PSMA5: variants seen among roughly 807,000 people sequenced by gnomAD.
The protein encoded by PSMA5 is proteasome 20S subunit alpha 5.
Under a neutral mutation model 34.5 loss-of-function variants are expected in PSMA5, and 3 were observed. That is an observed-to-expected ratio of 0.09 (90% confidence interval 0.04 to 0.22). The LOEUF (loss-of-function observed/expected upper bound fraction) is 0.22, where lower values mean the gene tolerates loss of function less well. PSMA5 is among the 10% of genes least tolerant of loss of function. PSMA5 has a pLI of 1.00. For missense variants in PSMA5, 120 were observed against 286.1 expected (o/e 0.42, Z 4.19); for synonymous variants, 88 against 95.8 (o/e 0.92, Z 0.47).
intron 8 of PSMA5, among the ~76,000 whole-genome samples, chr1:109,404,320 A>C (rs1157869905): frequency 6.6e-6 from 1 of 152,168 alleles, no homozygotes; most frequent in African/African-American, 2.4e-5. Context: ...CAAATAAATA[A>C]ATAAATAAAT....
intron 3 of PSMA5, 30 bp downstream of exon 3, chr1:109,415,207 C>A (rs376426672): frequency 2.9e-5 from 47 of 1,601,754 alleles, no homozygotes; most frequent in Non-Finnish European, 3.4e-6. Flanking sequence ...CAGACCAGAT[C>A]CTACAGAACA....
At chr1:109,404,916 G>A (rs1316267131) in intron 8 of PSMA5, among the ~76,000 whole-genome samples, 1 of 152,206 alleles carries the variant, frequency 6.6e-6, no homozygotes, top group Non-Finnish European at 1.5e-5. Context: ...GTGATCTGGA[G>A]GAGCCCAGGA....
chr1:109,421,684 A>T (rs1208558180), intron 2 of PSMA5, among the ~76,000 whole-genome samples, 176 bp downstream of exon 2: 1 of 152,176 alleles, frequency 6.6e-6, no homozygotes, highest in African/African-American at 2.4e-5. Flanking sequence ...AAAAGTTTTA[A>T]AATAGATATT....
chr1:109,412,268 C>T lies in PSMA5; in HGVS notation c.292-84G>A. ...ATCTCACTACGCACATCCCTTTAAA[C>T]TGGGATTGAAAACTGAAGGCTCAAA... is the stretch of plus-strand genomic sequence containing the variant. On this transcript the variant is annotated intron_variant, in intron 4 of 8. Transcript: ENST00000271308. The T allele has an allele frequency of 5.2e-6, 6 of 1,160,918 alleles. No individual in the cohort carries two copies. In the South Asian group the frequency reaches 7.6e-5, roughly 15 times the overall value. The allele number at this position is 1,160,918 out of a possible 1,614,324, so 71.9% of individuals were successfully genotyped here. A position where few individuals can be genotyped will look rare whatever the true frequency, so the allele number is the denominator to read the frequency against.
At chr1:109,419,752 T>C (rs1654360026) in intron 2 of PSMA5, among the ~76,000 whole-genome samples, 1 of 143,490 alleles carries the variant, frequency 7.0e-6, no homozygotes, top group South Asian at 2.2e-4. Flanking sequence ...TGGGCTGAGA[T>C]AGCGCCACTG....
At chr1:109,425,816 C>A in intron 1 of PSMA5, 1 of 156,648 alleles carries the variant, frequency 6.4e-6, no homozygotes, top group Non-Finnish European at 1.4e-5. Context: ...AATCAGACTC[C>A]AGACAATATA....
At chr1:109,423,875 C>G (rs1453939464) in intron 1 of PSMA5, among the ~76,000 whole-genome samples, 1 of 152,220 alleles carries the variant, frequency 6.6e-6, no homozygotes, top group Non-Finnish European at 1.5e-5. Flanking sequence ...CTCTGTAAAA[C>G]ACAATTATTA....
chr1:109,425,501 A>C (rs1178618646), intron 1 of PSMA5: 2 of 152,228 alleles, frequency 1.3e-5, no homozygotes, highest in Non-Finnish European at 2.9e-5. Context: ...TAAAACTTCG[A>C]CAGGATCAGC....
intron 2 of PSMA5, among the ~76,000 whole-genome samples, chr1:109,418,145 T>G (rs1388645555): frequency 6.7e-6 from 1 of 150,186 alleles, no homozygotes; most frequent in African/African-American, 2.5e-5. Context: ...GCCTGGGAGG[T>G]TGAGGCTGCA....
At position 109,412,386 on chromosome 1, in the gene PSMA5, T is replaced by C. The variant is rs958252952; in HGVS notation, c.292-202A>G. 11 of 528,912 alleles carry C rather than the reference T, an allele frequency of 2.1e-5. No individual in the cohort carries two copies. In the African/African-American group the frequency reaches 2.1e-4, roughly 10 times the overall value. The allele number at this position is 528,912 out of a possible 1,614,324, so 32.8% of individuals were successfully genotyped here. Reference sequence around the variant, plus strand: ...GGAAATAAACATATCACAAGGACTCTACGCAACGACGGACAAGAGAATTAC... The same window carrying C: ...GGAAATAAACATATCACAAGGACTCCACGCAACGACGGACAAGAGAATTAC... On this transcript the variant is annotated intron_variant, in intron 4 of 8. Coordinates refer to ENST00000271308, the MANE Select transcript of PSMA5 (RefSeq NM_002790.4).
At chr1:109,421,528 A>C (rs949648371) in intron 2 of PSMA5, among the ~76,000 whole-genome samples, 3 of 152,272 alleles carry the variant, frequency 2.0e-5, no homozygotes, top group Admixed American at 1.3e-4. Flanking sequence ...TTTGCTAAAG[A>C]AAACAAAACA....
rs915405213 is a variant in PSMA5, at chr1:109,426,054, A to C, written c.29+248T>G. 8 of 580,462 alleles carry C rather than the reference A, an allele frequency of 1.4e-5. No individual in the cohort carries two copies. In the Admixed American group the frequency reaches 2.1e-4, roughly 15 times the overall value. The allele number at this position is 580,462 out of a possible 1,614,324, so 36.0% of individuals were successfully genotyped here. Reference sequence around the variant, plus strand: ...GCTCCTCACGCCTTCTTTACCAAGCACCAGCCGGAGCTTCTCGCTTCCGCA... The same window carrying C: ...GCTCCTCACGCCTTCTTTACCAAGCCCCAGCCGGAGCTTCTCGCTTCCGCA... On this transcript the variant is annotated intron_variant, in intron 1 of 8. Coordinates refer to ENST00000271308, the MANE Select transcript of PSMA5 (RefSeq NM_002790.4).
chr1:109,409,667 T>G (rs1458810702), intron 8 of PSMA5, among the ~76,000 whole-genome samples: 7 of 152,186 alleles, frequency 4.6e-5, no homozygotes, highest in Non-Finnish European at 8.8e-5. Flanking sequence ...TAGTCCCAGG[T>G]ACTCAGTAGG....
At chr1:109,421,107 A>G (rs1464283089) in intron 2 of PSMA5, among the ~76,000 whole-genome samples, 1 of 151,912 alleles carries the variant, frequency 6.6e-6, no homozygotes, top group Non-Finnish European at 1.5e-5. Flanking sequence ...GGAAAGCTTG[A>G]GCCCAGGAGT....
chr1:109,422,374 A>T (rs1036485569), intron 1 of PSMA5, among the ~76,000 whole-genome samples: 2 of 152,078 alleles, frequency 1.3e-5, no homozygotes, highest in African/African-American at 4.8e-5. Flanking sequence ...TGCCCTCATT[A>T]CCTTTCACCT....
intron 1 of PSMA5, among the ~76,000 whole-genome samples, 194 bp from the exon 2 acceptor site, chr1:109,422,120 G>C (rs1197408170): frequency 6.6e-6 from 1 of 152,056 alleles, no homozygotes; most frequent in Non-Finnish European, 1.5e-5. Context: ...CCTATATATA[G>C]AACACTTCTG....
At position 109,399,485 on chromosome 1, in the gene PSMA5, G is replaced by A; in HGVS notation, c.*2528C>T. 1 of 152,342 alleles carries A rather than the reference G, an allele frequency of 6.6e-6. No individual in the cohort carries two copies. Among genetic ancestry groups the A allele is most frequent in the African/African-American group, 2.4e-5 (1 of 41,578 alleles). 9.4% of individuals were successfully genotyped at this position (152,342 alleles called of 1,614,324 possible). On this transcript the variant is annotated 3_prime_UTR_variant, in exon 9 of 9. Transcript: ENST00000271308. ...GGGGGTTATAAAGGAATATTTCTTT[G>A]TTTGGGTGACACAAAGATGAATGGT... is the stretch of plus-strand genomic sequence containing the variant.
At chr1:109,409,126 T>A (rs183309903) in intron 8 of PSMA5, among the ~76,000 whole-genome samples, 3 of 152,202 alleles carry the variant, frequency 2.0e-5, no homozygotes, top group African/African-American at 4.8e-5. Context: ...CAGCATACTA[T>A]TGTTTTCTCC....
intron 3 of PSMA5, 52 bp downstream of exon 3, chr1:109,415,185 G>T: frequency 1.3e-6 from 2 of 1,568,250 alleles, no homozygotes; most frequent in South Asian, 2.4e-5. Flanking sequence ...CATCATAGAG[G>T]ACTAATTAAC....
Sources: gnomAD v4.1 joint callset for allele counts (sites outside exome capture counted in the v4.1 genomes callset) on GRCh38, gnomAD v4.1.1 for gene constraint, MANE v1.5 for transcripts, NCBI Gene and HGNC (gene_info 2026-07-23, HGNC 2026-07-21) for gene names.